Variants in CD96 observed in about 807,000 individuals in gnomAD.
The protein encoded by CD96 is CD96 molecule, also known as T-cell surface protein tactile.
In CD96, 70 loss-of-function variants were observed where a neutral mutation model predicts 71.3. The ratio of observed to expected loss-of-function variants is 0.98; its 90% confidence interval spans 0.81 to 1.20. The LOEUF (loss-of-function observed/expected upper bound fraction) is 1.20, where lower values mean the gene tolerates loss of function less well. Ranked by LOEUF, CD96 falls within the 50% of genes most tolerant of loss-of-function variation. CD96 has a pLI of 0.00. For missense variants in CD96, 742 were observed against 677.5 expected (o/e 1.10, Z -1.06); for synonymous variants, 248 against 233.0 (o/e 1.06, Z -0.59).
In CD96 at chr3:111,606,700, G is replaced by T. The variant is rs1283203445; in HGVS notation, c.1088G>T (p.Gly363Val). 5.4e-6 allele frequency: 8 copies of T among 1,493,900 alleles called. No individual in the cohort carries two copies. The highest frequency in any genetic ancestry group is 5.0e-5 in the Admixed American group (3 of 59,794). 92.5% of individuals were successfully genotyped at this position (1,493,900 alleles called of 1,614,324 possible). ...ISSEKITFLL[G>V]SEISSTDPPL... ...ATAAATCTCTTTCTAATCCTTTAAG[G>T]TTCTGAAATTTCCTCAACAGACCCT... The change falls in exon 8 of 14, where the codon GGT (glycine) becomes GTT (valine). Residue 363 changes from glycine to valine, a missense_variant and splice_region_variant. Gly to Val is a moderately radical substitution (Grantham distance 109). Coordinates refer to ENST00000352690, the MANE Select transcript of CD96 (RefSeq NM_005816.5).
At chr3:111,642,907 G>A (rs1042839368) in intron 12 of CD96, among the ~76,000 whole-genome samples, 1 of 146,498 alleles carries the variant, frequency 6.8e-6, no homozygotes, top group Non-Finnish European at 1.5e-5. Context: ...AAAAGAATTG[G>A]TACCAATCCT....
intron 3 of CD96, among the ~76,000 whole-genome samples, chr3:111,575,546 G>C (rs144813529): frequency 3.9e-5 from 6 of 152,360 alleles, no homozygotes; most frequent in South Asian, 2.1e-4. Context: ...ATTGGCAAGA[G>C]AGCAGATTGA....
At chr3:111,591,685 C>T (rs562778018) in intron 5 of CD96, among the ~76,000 whole-genome samples, 1 of 152,270 alleles carries the variant, frequency 6.6e-6, no homozygotes, top group East Asian at 1.9e-4. Context: ...TGAGCTTGCA[C>T]CACAGGTAGA....
intron 3 of CD96, among the ~76,000 whole-genome samples, chr3:111,576,960 T>A (rs868270983): frequency 6.6e-6 from 1 of 152,152 alleles, no homozygotes. Context: ...AGGATCTCCT[T>A]ATATTGTAGG....
chr3:111,662,186 A>T (rs1020103439), intron 14 of CD96, among the ~76,000 whole-genome samples: 1 of 152,220 alleles, frequency 6.6e-6, no homozygotes, highest in Admixed American at 6.5e-5. Context: ...TTGGAGCTGG[A>T]GTGGCTGGGA....
intron 5 of CD96, among the ~76,000 whole-genome samples, chr3:111,597,856 T>C (rs906217780): frequency 1.3e-5 from 2 of 152,162 alleles, no homozygotes; most frequent in African/African-American, 4.8e-5. Context: ...GAACCCAGAA[T>C]CCAGACTTGG....
At chr3:111,588,726 A>G (rs903130749) in intron 5 of CD96, among the ~76,000 whole-genome samples, 1 of 152,166 alleles carries the variant, frequency 6.6e-6, no homozygotes, top group Non-Finnish European at 1.5e-5. Context: ...ACCTGCCCCC[A>G]TGATTCAGTT....
At chr3:111,600,176 T>A (rs1402708812) in intron 6 of CD96, among the ~76,000 whole-genome samples, 1 of 152,208 alleles carries the variant, frequency 6.6e-6, no homozygotes, top group African/African-American at 2.4e-5. Context: ...AAGTCAGATA[T>A]GAGCTCCTTC....
rs757674616 is a variant in CD96, at chr3:111,545,079, A to G, written c.95A>G (p.Asn32Ser). Residue 32 changes from asparagine (N) to serine (S), a missense_variant, in exon 2 of 14, where the codon AAT becomes AGT. Transcript: ENST00000352690. ...VWEKTVNTEENVYATLGSDVN... is the reference protein window; with the variant it reads ...VWEKTVNTEESVYATLGSDVN... ...GAAAAAACAGTCAACACAGAAGAAA[A>G]TGTTTATGCTACACTTGGCTCTGAT... 8.6e-5 allele frequency: 138 copies of G among 1,614,032 alleles called. 1 individual carries two copies. In the South Asian group the frequency reaches 1.4e-3, roughly 17 times the overall value.
chr3:111,547,452 T>C (rs758043631), intron 2 of CD96, among the ~76,000 whole-genome samples: 2 of 152,162 alleles, frequency 1.3e-5, no homozygotes. Flanking sequence ...CAGTAAACAA[T>C]ACTATTGCCT....
At chr3:111,625,685 G>A (rs1384644626) in intron 10 of CD96, among the ~76,000 whole-genome samples, 2 of 152,022 alleles carry the variant, frequency 1.3e-5, no homozygotes, top group East Asian at 3.9e-4. Flanking sequence ...AAATAAATGT[G>A]GATTTCCTCC....
At chr3:111,637,864 C>A (rs73230143) in intron 11 of CD96, among the ~76,000 whole-genome samples, 38,910 of 150,712 alleles carry the variant, frequency 0.26, 5,966 homozygotes, top group African/African-American at 0.44. Flanking sequence ...TTTTCAACCA[C>A]TAGGAAATTT....
intron 13 of CD96, 106 bp downstream of exon 13, chr3:111,647,772 G>T (rs143041261): frequency 1.6e-5 from 13 of 832,244 alleles, no homozygotes; most frequent in Middle Eastern, 3.3e-4. Flanking sequence ...TATTTTAATG[G>T]GGAAATAATG....
intron 10 of CD96, among the ~76,000 whole-genome samples, chr3:111,632,455 A>G (rs1939115269): frequency 6.6e-6 from 1 of 152,228 alleles, no homozygotes; most frequent in African/African-American, 2.4e-5. Context: ...CTATTACTAA[A>G]TAGTCAAAAA....
chr3:111,561,376 G>C (rs1240718996), intron 2 of CD96, among the ~76,000 whole-genome samples: 1 of 147,192 alleles, frequency 6.8e-6, no homozygotes, highest in Admixed American at 6.9e-5. Context: ...GTGATGTACA[G>C]ATGGGTTTTC....
chr3:111,618,576 TTC>T (rs1277041192), intron 8 of CD96, among the ~76,000 whole-genome samples: 4 of 149,324 alleles, frequency 2.7e-5, no homozygotes, highest in African/African-American at 7.5e-5. Flanking sequence ...CCAAATTTAT[TTC>T]TCTCTTTTTT....
At chr3:111,584,869 C>T (rs1244438003) in intron 4 of CD96, among the ~76,000 whole-genome samples, 4 of 152,146 alleles carry the variant, frequency 2.6e-5, no homozygotes, top group African/African-American at 9.7e-5. Context: ...CTCTCCCTCC[C>T]CACCACCCAT....
intron 8 of CD96, among the ~76,000 whole-genome samples, chr3:111,610,474 T>A (rs1937865122): frequency 6.6e-6 from 1 of 152,238 alleles, no homozygotes; most frequent in Non-Finnish European, 1.5e-5. Context: ...AAGCTGCATG[T>A]CTGGCTGCAA....
intron 2 of CD96, 98 bp downstream of exon 2, chr3:111,545,500 A>G (rs1425768386): frequency 1.2e-6 from 1 of 824,686 alleles, no homozygotes; most frequent in Non-Finnish European, 2.1e-6. Context: ...GGTGCTCAGC[A>G]TACAAAGGTT....
Sources: allele counts gnomAD v4.1 joint callset (sites outside exome capture counted in the v4.1 genomes callset), GRCh38; gene constraint gnomAD v4.1.1; transcripts MANE v1.5; gene names NCBI Gene and HGNC (gene_info 2026-07-23, HGNC 2026-07-21).